The following PIEZO2 variants were observed in gnomAD, a reference collection of about 807,000 sequenced individuals.
PIEZO2 encodes the protein piezo-type mechanosensitive ion channel component 2.
Under a neutral mutation model 337.3 loss-of-function variants are expected in PIEZO2, and 172 were observed. That is an observed-to-expected ratio of 0.51 (90% CI 0.45 to 0.58). The LOEUF (loss-of-function observed/expected upper bound fraction) is 0.58, where lower values mean the gene tolerates loss of function less well. Ranked by LOEUF, PIEZO2 falls within the 20% of genes least tolerant of loss-of-function variation. The pLI is 0.00. For synonymous variants in PIEZO2, 1,251 were observed against 1,228.5 expected, an observed-to-expected ratio of 1.02 and a Z score of -0.38; for missense variants, 3,028 against 3,391.3, an observed-to-expected ratio of 0.89 and a Z score of 2.66.
chr18:10,909,539 G>C (rs1480275418), intron 4 of PIEZO2, among the ~76,000 whole-genome samples: 1 of 152,204 alleles, frequency 6.6e-6, no homozygotes, highest in Non-Finnish European at 1.5e-5. Flanking sequence ...TATTCTGGAA[G>C]AAATGGCCCA....
chr18:10,919,488 G>C (rs1176731770), intron 3 of PIEZO2, among the ~76,000 whole-genome samples: 1 of 152,032 alleles, frequency 6.6e-6, no homozygotes, highest in African/African-American at 2.4e-5. Context: ...TATTGAATGA[G>C]TTCAACACAT....
chr18:10,946,603 C>A (rs2033035087), intron 3 of PIEZO2, among the ~76,000 whole-genome samples: 1 of 152,214 alleles, frequency 6.6e-6, no homozygotes, highest in Non-Finnish European at 1.5e-5. Context: ...AGGAGCTGAA[C>A]TTCCACCTCA....
At position 11,099,868 on chromosome 18, in the gene PIEZO2, G is replaced by C. The variant is rs2039360708; in HGVS notation, c.65-33646C>G. Among the ~76,000 whole-genome samples, 1 of 151,984 alleles carries C rather than the reference G, an allele frequency of 6.6e-6. No individual in the cohort carries two copies. Among genetic ancestry groups the C allele is most frequent in the Non-Finnish European group, 1.5e-5 (1 of 67,992 alleles). ...AATACTATTTTCTAGTTTTCCTATAGGTTATTTCTCTTTTATTCCAGCTGA... is the reference window on the plus strand; with the variant it reads ...AATACTATTTTCTAGTTTTCCTATACGTTATTTCTCTTTTATTCCAGCTGA... On this transcript the variant is annotated intron_variant, in intron 1 of 55. Transcript: ENST00000674853. The surrounding 1 kb of genome is among the most constrained non-coding windows in gnomAD (Gnocchi z 5.4).
intron 13 of PIEZO2, among the ~76,000 whole-genome samples, chr18:10,792,724 T>C (rs571975754): frequency 5.3e-5 from 8 of 152,364 alleles, no homozygotes; most frequent in Admixed American, 2.6e-4. Flanking sequence ...TGGATAATGC[T>C]GCTATGAACA....
chr18:10,924,550 C>T (rs901638938), intron 3 of PIEZO2, among the ~76,000 whole-genome samples: 1 of 152,164 alleles, frequency 6.6e-6, no homozygotes, highest in Non-Finnish European at 1.5e-5. Flanking sequence ...CGGCCCCACA[C>T]GTGTGCTAAG....
At position 10,763,134 on chromosome 18, in the gene PIEZO2, C is replaced by T. The variant is rs7507093; in HGVS notation, c.2947-36G>A. ...AAAACCAGAAATGGGGACAAAAATA[C>T]GTAACACGGCATAACAAACAGGACA... On this transcript the variant is annotated intron_variant, in intron 21 of 55. Transcript: ENST00000674853. 0.25 allele frequency: 387,982 copies of T among 1,523,048 alleles called. 51,496 individuals are homozygous for T. The highest frequency in any genetic ancestry group is 0.3 in the Admixed American group (14,946 of 50,454). 94.3% of individuals were successfully genotyped at this position (1,523,048 alleles called of 1,614,324 possible). A position where few individuals can be genotyped will look rare whatever the true frequency, so the allele number is the denominator to read the frequency against.
chr18:10,796,238 C>T (rs1342437461), intron 12 of PIEZO2, among the ~76,000 whole-genome samples: 1 of 151,768 alleles, frequency 6.6e-6, no homozygotes, highest in Non-Finnish European at 1.5e-5. Flanking sequence ...GGCGTGGTGG[C>T]AGGCGCCTGT....
chr18:10,744,967 G>A (rs138658714), intron 30 of PIEZO2, among the ~76,000 whole-genome samples: 8 of 152,316 alleles, frequency 5.3e-5, no homozygotes, highest in African/African-American at 7.2e-5. Context: ...CAGAGCCCCC[G>A]CCTCCTTGGA....
At chr18:10,928,018 T>TC (rs1462592152) in intron 3 of PIEZO2, among the ~76,000 whole-genome samples, 2 of 152,114 alleles carry the variant, frequency 1.3e-5, no homozygotes, top group African/African-American at 4.8e-5. Context: ...AGCATACCCT[T>TC]CCTTAATAAC....
At chr18:10,714,101 A>C (rs1036645241) in intron 39 of PIEZO2, among the ~76,000 whole-genome samples, 3 of 152,136 alleles carry the variant, frequency 2.0e-5, no homozygotes, top group African/African-American at 7.2e-5. Context: ...GACTTTGGGT[A>C]TGTTTCTTAA....
chr18:10,739,190 A>C (rs1241048259), intron 33 of PIEZO2: 3 of 152,206 alleles, frequency 2.0e-5, no homozygotes, highest in Non-Finnish European at 4.4e-5. Flanking sequence ...AAAGAAATAC[A>C]TTTTGCAGCA....
Position 11,094,391 on chromosome 18 carries a change from G to GGAC in PIEZO2, c.65-28170_65-28169insGTC, listed in dbSNP as rs1427423026. On this transcript the variant is annotated intron_variant, in intron 1 of 55. Transcript: ENST00000674853. The surrounding 1 kb of genome is among the most constrained non-coding windows in gnomAD (Gnocchi z 4.4). ...GTAGGACTCAAAACCAGGGCTTTGAGTCAAGTTAACGACTTTTCCACCATT... is the reference window on the plus strand; with the variant it reads ...GTAGGACTCAAAACCAGGGCTTTGAGGACTCAAGTTAACGACTTTTCCACCATT... Among the ~76,000 whole-genome samples, 1 of 152,150 alleles carries GGAC rather than the reference G, an allele frequency of 6.6e-6. No individual in the cohort carries two copies. Among genetic ancestry groups the GGAC allele is most frequent in the Non-Finnish European group, 1.5e-5 (1 of 68,020 alleles).
chr18:10,763,313 A>G (rs943637376), intron 21 of PIEZO2: 2 of 571,064 alleles, frequency 3.5e-6, no homozygotes, highest in African/African-American at 1.9e-5. Context: ...GCAGACAGAC[A>G]TATCATCAGG....
At chr18:10,842,962 A>C (rs954919564) in intron 7 of PIEZO2, among the ~76,000 whole-genome samples, 1 of 152,222 alleles carries the variant, frequency 6.6e-6, no homozygotes, top group African/African-American at 2.4e-5. Flanking sequence ...TTTAAGAGCT[A>C]ATCTCTTATC....
chr18:10,679,799 A>G (rs1385505435), intron 52 of PIEZO2, among the ~76,000 whole-genome samples: 2 of 152,238 alleles, frequency 1.3e-5, no homozygotes, highest in Admixed American at 1.3e-4. Context: ...TGTTCACAGT[A>G]ATACTATTTT....
intron 43 of PIEZO2, among the ~76,000 whole-genome samples, chr18:10,700,223 A>G (rs8092168): frequency 0.011 from 1,619 of 152,202 alleles, 33 homozygotes; most frequent in African/African-American, 0.036. Context: ...TTGTTTGCCA[A>G]TTCTTCTAAT....
rs1213096904 is a variant in PIEZO2 at position 10,946,430 on chromosome 18, C to T, written c.286+33105G>A. ...CCACTGGGAAACTGTGATTCTACCC[C>T]CACTCTGCAGCAACAAATCAGTGTG... On this transcript the variant is annotated intron_variant, in intron 3 of 55. Transcript: ENST00000674853. Among the ~76,000 whole-genome samples, 3 of 152,144 alleles carry T rather than the reference C, an allele frequency of 2.0e-5. No individual in the cohort carries two copies. In the East Asian group the frequency reaches 5.8e-4, roughly 29 times the overall value.
rs1359212818 is a variant in PIEZO2 at position 10,746,591 on chromosome 18, A to G, written c.4424+1880T>C. 6.6e-6 allele frequency among the ~76,000 whole-genome samples: 1 copy of G among 152,076 alleles called. No individual in the cohort carries two copies. Among genetic ancestry groups the G allele is most frequent in the Non-Finnish European group, 1.5e-5 (1 of 68,018 alleles). ...TCGTCTGAATGTCTGCATCCCCTAC[A>G]ATTCACATGTGGAAATCCTGACTCC... On this transcript the variant is annotated intron_variant, in intron 30 of 55. Coordinates refer to ENST00000674853, the MANE Select transcript of PIEZO2 (RefSeq NM_001378183.1). The surrounding 1 kb of genome is among the most constrained non-coding windows in gnomAD (Gnocchi z 4.2).
chr18:10,735,707 A>C (rs963820589), intron 34 of PIEZO2, among the ~76,000 whole-genome samples: 1 of 152,318 alleles, frequency 6.6e-6, no homozygotes, highest in East Asian at 1.9e-4. Context: ...GGGAAGAAAG[A>C]AAGCATCAGA....
Sources: gnomAD v4.1 joint callset for allele counts (sites outside exome capture counted in the v4.1 genomes callset) on GRCh38, gnomAD v4.1.1 for gene constraint, Gnocchi (gnomAD v3.1) non-coding constraint, MANE v1.5 for transcripts, NCBI Gene and HGNC (gene_info 2026-07-23, HGNC 2026-07-21) for gene names.